Variants in TRAPPC10 observed in about 807,000 individuals in gnomAD.
The protein encoded by TRAPPC10 is trafficking protein particle complex subunit 10.
TRAPPC10 carries 23 observed loss-of-function variants against 125.5 expected under a neutral mutation model. The ratio of observed to expected loss-of-function variants is 0.18; its 90% CI spans 0.13 to 0.26. The LOEUF (loss-of-function observed/expected upper bound fraction) is 0.26. Among genes scored for constraint, TRAPPC10 ranks in the 10% least tolerant of loss-of-function variants. The probability of loss-of-function intolerance (pLI) is 1.00; values close to 1 mark genes in which losing one functional copy is unlikely to be tolerated. For synonymous variants in TRAPPC10, 509 were observed against 518.0 expected (o/e 0.98, Z 0.24); for missense variants, 1,123 against 1,308.4 (o/e 0.86, Z 2.19).
intron 2 of TRAPPC10, among the ~76,000 whole-genome samples, chr21:44,032,379 CTT>C (rs1200011844): frequency 5.5e-5 from 6 of 108,464 alleles, no homozygotes; most frequent in Admixed American, 1.0e-4. Context: ...CCATGGTTTT[CTT>C]TTTTTTTTTT....
intron 1 of TRAPPC10, among the ~76,000 whole-genome samples, chr21:44,017,806 GATA>G (rs2032040777): frequency 6.6e-6 from 1 of 151,694 alleles, no homozygotes; most frequent in African/African-American, 2.4e-5. Context: ...GTTTTGCGAC[GATA>G]ATGATGTCAT....
intron 1 of TRAPPC10, among the ~76,000 whole-genome samples, chr21:44,028,651 C>T (rs566662876): frequency 6.6e-6 from 1 of 152,308 alleles, no homozygotes; most frequent in African/African-American, 2.4e-5. Context: ...TTGAATTGCT[C>T]TTATAAATTA....
At position 44,063,407 on chromosome 21, in the gene TRAPPC10, G is replaced by C. The variant is rs758518748; in HGVS notation, c.791-131G>C. On this transcript the variant is annotated intron_variant, in intron 6 of 22. Transcript: ENST00000291574. This position sits in a 1 kb window ranked among gnomAD's most constrained non-coding sequence, Gnocchi z 4.4. ...AGCCGAATGCATCACTAGACCACAG[G>C]GGGTGGGCCAGTGTTCATAGAAAAA... 74 of 1,354,566 alleles carry C rather than the reference G, an allele frequency of 5.5e-5. No homozygotes were observed. Among genetic ancestry groups the C allele is most frequent in the African/African-American group, 1.2e-4 (8 of 68,866 alleles). The allele number at this position is 1,354,566 out of a possible 1,614,324, so 83.9% of individuals were successfully genotyped here. A position where few individuals can be genotyped will look rare whatever the true frequency, so the allele number is the denominator to read the frequency against.
chr21:44,090,456 C>G (rs1013189191), intron 18 of TRAPPC10, among the ~76,000 whole-genome samples: 2 of 152,190 alleles, frequency 1.3e-5, no homozygotes, highest in Non-Finnish European at 2.9e-5. Context: ...CCAGGCTCTC[C>G]CATGAGATGC....
At chr21:44,035,491 A>G (rs2033924303) in intron 2 of TRAPPC10, among the ~76,000 whole-genome samples, 1 of 152,184 alleles carries the variant, frequency 6.6e-6, no homozygotes, top group Non-Finnish European at 1.5e-5. Flanking sequence ...TACTCTTTGT[A>G]TTGAAGTACT....
At chr21:44,036,555 A>G (rs933003091) in intron 2 of TRAPPC10, among the ~76,000 whole-genome samples, 4 of 152,148 alleles carry the variant, frequency 2.6e-5, no homozygotes, top group African/African-American at 7.2e-5. Context: ...CCATTCACAT[A>G]TGTTCACTGC....
chr21:44,022,552 G>A (rs749784796), intron 1 of TRAPPC10, among the ~76,000 whole-genome samples: 7 of 147,234 alleles, frequency 4.8e-5, no homozygotes, highest in Non-Finnish European at 8.9e-5. Flanking sequence ...GACCTCAGGT[G>A]ATCCGCCCAC....
intron 1 of TRAPPC10, among the ~76,000 whole-genome samples, chr21:44,013,729 CTT>C (rs1281438951): frequency 2.0e-5 from 3 of 152,116 alleles, no homozygotes; most frequent in African/African-American, 7.2e-5. Flanking sequence ...CCTCCTCTCT[CTT>C]TTTTTTCTAC....
In TRAPPC10 at chr21:44,087,718, G is replaced by A. The variant is rs187573241; in HGVS notation, c.2559G>A (p.Ala853=). 2.9e-5 allele frequency: 47 copies of A among 1,613,832 alleles called. No homozygotes were observed. The Admixed American group carries it at 6.8e-4, about 23-fold the overall frequency. The change falls in exon 17 of 23, where the codon GCG becomes GCA. Residue 853 remains alanine, a synonymous_variant. Transcript: ENST00000291574. The surrounding 1 kb of genome is among the most constrained non-coding windows in gnomAD (Gnocchi z 4.6). ...TCGTAGAACAGTCTTCTGAGGCCGC[G>A]CTCCGGATTCAGTCCTCCGACAAGG... The part of the protein sequence containing the change: ...SNTREQSSEA[A]LRIQSSDKVT...
intron 11 of TRAPPC10, 178 bp from the exon 12 acceptor site, chr21:44,079,386 C>T (rs1300505420): frequency 8.7e-6 from 5 of 577,338 alleles, no homozygotes; most frequent in South Asian, 5.5e-5. Context: ...CTAATTATGT[C>T]GTCCTGAGTA....
chr21:44,065,344 G>T (rs761677884), intron 7 of TRAPPC10, among the ~76,000 whole-genome samples: 1 of 152,166 alleles, frequency 6.6e-6, no homozygotes, highest in Non-Finnish European at 1.5e-5. Flanking sequence ...GAAGTCACAG[G>T]TATTTTCAAG....
At chr21:44,062,476 C>T (rs926619969) in intron 6 of TRAPPC10, 2 of 936,536 alleles carry the variant, frequency 2.1e-6, no homozygotes, top group Non-Finnish European at 2.5e-6. Flanking sequence ...GAGTGGCCTC[C>T]CTGTGGGGGC....
At chr21:44,013,498 G>A (rs1207547858) in intron 1 of TRAPPC10, among the ~76,000 whole-genome samples, 2 of 152,190 alleles carry the variant, frequency 1.3e-5, no homozygotes, top group Non-Finnish European at 2.9e-5. Flanking sequence ...TGGAAAGGAA[G>A]CACTCTCTGT....
At chr21:44,025,172 G>A (rs887685388) in intron 1 of TRAPPC10, among the ~76,000 whole-genome samples, 1 of 152,206 alleles carries the variant, frequency 6.6e-6, no homozygotes, top group African/African-American at 2.4e-5. Flanking sequence ...GGGTTGCTGG[G>A]CTGAGGCAAA....
chr21:44,084,061 G>A (rs577355573), intron 14 of TRAPPC10, 61 bp from the exon 15 acceptor site: 19 of 1,600,772 alleles, frequency 1.2e-5, no homozygotes, highest in Admixed American at 5.1e-5. Flanking sequence ...CCGCGCTACC[G>A]CAGGAAGCTA....
intron 20 of TRAPPC10, among the ~76,000 whole-genome samples, chr21:44,095,448 G>C (rs2038868109): frequency 6.6e-6 from 1 of 151,638 alleles, no homozygotes; most frequent in Non-Finnish European, 1.5e-5. Context: ...ATGTTGATCA[G>C]GCTGGTCTCA....
At chr21:44,090,787 T>G (rs1375985386) in intron 18 of TRAPPC10, among the ~76,000 whole-genome samples, 1 of 152,240 alleles carries the variant, frequency 6.6e-6, no homozygotes, top group Non-Finnish European at 1.5e-5. Flanking sequence ...CAGACCCATG[T>G]TTAGAATGGA....
chr21:44,083,404 T>A, intron 14 of TRAPPC10, 102 bp downstream of exon 14: 2 of 1,316,404 alleles, frequency 1.5e-6, no homozygotes, highest in Non-Finnish European at 2.1e-6. Context: ...TAGAGTCCTT[T>A]GTTCTCCTAA....
intron 5 of TRAPPC10, 148 bp from the exon 6 acceptor site, chr21:44,058,955 G>A: frequency 1.8e-6 from 1 of 562,130 alleles, no homozygotes; most frequent in East Asian, 3.1e-5. Context: ...TGACATATGC[G>A]GTCGTCACAT....
Sources: gnomAD v4.1 joint callset for allele counts (sites outside exome capture counted in the v4.1 genomes callset) on GRCh38, gnomAD v4.1.1 for gene constraint, Gnocchi (gnomAD v3.1) non-coding constraint, MANE v1.5 for transcripts, NCBI Gene and HGNC (gene_info 2026-07-23, HGNC 2026-07-21) for gene names.